ME1: variants seen among roughly 807,000 people sequenced by gnomAD.
The protein encoded by ME1 is malic enzyme 1, also known as NADP-dependent malic enzyme.
ME1 carries 74 observed loss-of-function variants against 66.4 expected under a neutral mutation model. The observed-to-expected ratio is 1.11, with a 90% CI of 0.92 to 1.35. The LOEUF (loss-of-function observed/expected upper bound fraction) is 1.35, where lower values mean the gene tolerates loss of function less well. ME1 is among the 40% of genes most tolerant of loss of function. ME1 has a pLI of 0.00. For synonymous variants in ME1, 251 were observed against 235.6 expected (o/e 1.07, Z -0.60); for missense variants, 750 against 694.1 (o/e 1.08, Z -0.90).
chr6:83,398,336 C>G, intron 3 of ME1, 31 bp downstream of exon 3: 1 of 1,479,404 alleles, frequency 6.8e-7, no homozygotes, highest in South Asian at 1.3e-5. Flanking sequence ...AATAAAGACA[C>G]AAGTTGCATA....
intron 3 of ME1, among the ~76,000 whole-genome samples, chr6:83,357,991 C>G (rs910350465): frequency 7.2e-4 from 92 of 128,010 alleles, no homozygotes; most frequent in African/African-American, 2.6e-3. Context: ...AGTTCTGTCC[C>G]TCTAGAGAAC....
At chr6:83,260,627 C>T (rs574907599) in intron 6 of ME1, among the ~76,000 whole-genome samples, 1 of 152,282 alleles carries the variant, frequency 6.6e-6, no homozygotes, top group African/African-American at 2.4e-5. Flanking sequence ...GCCCCAGTGT[C>T]TGTTGTGCCC....
chr6:83,215,516 C>T (rs1399929623), intron 13 of ME1, among the ~76,000 whole-genome samples: 1 of 152,186 alleles, frequency 6.6e-6, no homozygotes, highest in African/African-American at 2.4e-5. Flanking sequence ...AAGCCCTAAC[C>T]ACTAGTACCT....
intron 6 of ME1, among the ~76,000 whole-genome samples, chr6:83,293,809 C>A (rs903918152): frequency 6.6e-6 from 1 of 152,196 alleles, no homozygotes. Flanking sequence ...CAAATGACAT[C>A]TCTAACATAC....
At chr6:83,348,807 G>A (rs1768736581) in intron 4 of ME1, among the ~76,000 whole-genome samples, 2 of 151,272 alleles carry the variant, frequency 1.3e-5, no homozygotes, top group African/African-American at 2.4e-5. Context: ...GACCAACATG[G>A]CAAAACCCCG....
chr6:83,349,576 C>T (rs1467679588), intron 4 of ME1, among the ~76,000 whole-genome samples: 1 of 152,170 alleles, frequency 6.6e-6, no homozygotes, highest in African/African-American at 2.4e-5. Flanking sequence ...TGTCTTCATC[C>T]CTTCATTTAA....
At chr6:83,260,723 T>A (rs1292069286) in intron 6 of ME1, among the ~76,000 whole-genome samples, 2 of 152,200 alleles carry the variant, frequency 1.3e-5, no homozygotes, top group African/African-American at 4.8e-5. Context: ...CTTGCATTAG[T>A]TTGCTAGGGA....
chr6:83,311,514 G>A (rs1767931594), intron 6 of ME1, among the ~76,000 whole-genome samples: 1 of 152,108 alleles, frequency 6.6e-6, no homozygotes, highest in Non-Finnish European at 1.5e-5. Flanking sequence ...AGGGGATTGC[G>A]AGGCTCAGAG....
intron 1 of ME1, among the ~76,000 whole-genome samples, chr6:83,421,279 GA>G (rs1426215230): frequency 3.3e-5 from 5 of 151,846 alleles, no homozygotes; most frequent in African/African-American, 9.7e-5. Flanking sequence ...AGTAAAAAGG[GA>G]AAAAATGTTG....
chr6:83,285,069 G>A (rs879402827), intron 6 of ME1, among the ~76,000 whole-genome samples: 20 of 152,024 alleles, frequency 1.3e-4, no homozygotes, highest in African/African-American at 4.8e-5. Flanking sequence ...CTGTTTTCCC[G>A]TTTTGTCTTT....
intron 12 of ME1, among the ~76,000 whole-genome samples, chr6:83,218,526 C>T (rs1243319310): frequency 6.6e-6 from 1 of 152,120 alleles, no homozygotes; most frequent in Non-Finnish European, 1.5e-5. Context: ...ATCAGTGGAT[C>T]TGGTATGGGT....
At chr6:83,227,692 A>G (rs567030664) in intron 10 of ME1, among the ~76,000 whole-genome samples, 1 of 152,350 alleles carries the variant, frequency 6.6e-6, no homozygotes, top group African/African-American at 2.4e-5. Flanking sequence ...AAATCTACAA[A>G]TATCTATTAA....
Position 83,227,472 on chromosome 6 carries a change from C to A in ME1, c.1138G>T (p.Ala380Ser), listed in dbSNP as rs757538376. ...TCTGAGAATGCACCACCAATTGCAG[C>A]AACTCCTAATGAAGAAATATGAAGC... ...EIKPTALIGV[A>S]AIGGAFSEQI... The change falls in exon 11 of 14, where the codon GCT becomes TCT. Residue 380 changes from alanine to serine, a missense_variant. Transcript: ENST00000369705. The A allele has an allele frequency of 1.9e-6, 3 of 1,595,940 alleles. No homozygotes were observed. The highest frequency in any genetic ancestry group is 8.6e-7 in the Non-Finnish European group (1 of 1,169,082).
At chr6:83,252,276 TTG>T (rs2128528031) in intron 7 of ME1, among the ~76,000 whole-genome samples, 1 of 144,482 alleles carries the variant, frequency 6.9e-6, no homozygotes, top group East Asian at 2.7e-4. Flanking sequence ...GTTGTTGTTG[TTG>T]CTGTTGTTGT....
chr6:83,242,830 T>C (rs1483684622), intron 7 of ME1, among the ~76,000 whole-genome samples: 1 of 152,034 alleles, frequency 6.6e-6, no homozygotes, highest in Non-Finnish European at 1.5e-5. Flanking sequence ...GAAAGCTGAA[T>C]TGTTGGCCGG....
intron 3 of ME1, among the ~76,000 whole-genome samples, chr6:83,371,488 A>C (rs1769192572): frequency 6.6e-6 from 1 of 152,320 alleles, no homozygotes; most frequent in East Asian, 1.9e-4. Context: ...ACCTAAACAG[A>C]AAAACTGCTG....
chr6:83,221,012 AGCTGG>A (rs1441727586), intron 12 of ME1, among the ~76,000 whole-genome samples: 2 of 152,122 alleles, frequency 1.3e-5, no homozygotes, highest in Non-Finnish European at 2.9e-5. Context: ...TACAAAAATT[AGCTGG>A]GCGTATTGGC....
At chr6:83,219,254 T>G (rs1790044116) in intron 12 of ME1, among the ~76,000 whole-genome samples, 1 of 152,238 alleles carries the variant, frequency 6.6e-6, no homozygotes, top group Non-Finnish European at 1.5e-5. Context: ...TTCTTAGATG[T>G]TAAAGCAAAA....
chr6:83,409,582 C>A (rs1306385164), intron 1 of ME1, among the ~76,000 whole-genome samples: 1 of 152,176 alleles, frequency 6.6e-6, no homozygotes, highest in Non-Finnish European at 1.5e-5. Context: ...CCCATTAATT[C>A]ATGTCACTGA....
Sources: allele counts gnomAD v4.1 joint callset (sites outside exome capture counted in the v4.1 genomes callset), GRCh38; gene constraint gnomAD v4.1.1; transcripts MANE v1.5; gene names NCBI Gene and HGNC (gene_info 2026-07-23, HGNC 2026-07-21).